The following OR4K1 variants were observed in gnomAD, a reference collection of about 807,000 sequenced individuals.
OR4K1 encodes olfactory receptor family 4 subfamily K member 1.
Under a neutral mutation model 14.4 loss-of-function variants are expected in OR4K1, and 16 were observed. The observed-to-expected ratio is 1.11, with a 90% CI of 0.75 to 1.68. The LOEUF is 1.68. Ranked by LOEUF, OR4K1 falls within the 40% of genes most tolerant of loss-of-function variation. The pLI, the probability that OR4K1 is intolerant of heterozygous loss-of-function variation, is 0.00. For synonymous variants in OR4K1, 181 were observed against 133.1 expected, an observed-to-expected ratio of 1.36 and a Z score of -2.48; for missense variants, 548 against 376.9, an observed-to-expected ratio of 1.45 and a Z score of -3.76.
chr14:19,935,935 A>C lies in OR4K1; in HGVS notation c.269A>C (p.Lys90Thr). The C allele has an allele frequency of 6.2e-7, 1 of 1,614,202 alleles. No homozygotes were observed. Among genetic ancestry groups the C allele is most frequent in the African/African-American group, 1.3e-5 (1 of 75,058 alleles). Residue 90 changes from lysine (K) to threonine (T), a missense_variant, in exon 2 of 2, where the codon AAG becomes ACG. Coordinates refer to ENST00000641172, the MANE Select transcript of OR4K1 (RefSeq NM_001004063.3). ...KMLVDFFIER[K>T]TISFEGCMAQ... ...CTTGTAGACTTTTTTATTGAGCGCA[A>C]GACTATCTCCTTTGAGGGTTGCATG...
chr14:19,936,040 C>G lies in OR4K1; in HGVS notation c.374C>G (p.Ala125Gly). Reference protein sequence around the residue: ...LVAMAYDRFIAICKPLHYSTI... With the variant: ...LVAMAYDRFIGICKPLHYSTI... Reference sequence around the variant, plus strand: ...GCTATGGCATATGACAGATTTATAGCCATATGTAAGCCTCTGCACTACAGT... The same window carrying G: ...GCTATGGCATATGACAGATTTATAGGCATATGTAAGCCTCTGCACTACAGT... The change falls in exon 2 of 2, where the codon GCC (alanine) becomes GGC (glycine). Residue 125 changes from alanine (A) to glycine (G), a missense_variant. Transcript: ENST00000641172. The G allele has an allele frequency of 6.2e-7, 1 of 1,614,206 alleles. No homozygotes were observed. The highest frequency in any genetic ancestry group is 8.5e-7 in the Non-Finnish European group (1 of 1,180,044).
At chr14:19,921,673 A>C in the OR4K1 span, 1 of 1,246,926 alleles carries the variant, frequency 8.0e-7, no homozygotes, top group Admixed American at 2.5e-5. Context: ...GTAGTGAAGA[A>C]GATAATATAG....
the OR4K1 span, among the ~76,000 whole-genome samples, chr14:19,925,086 TC>T: frequency 6.6e-6 from 1 of 152,326 alleles, no homozygotes; most frequent in African/African-American, 2.4e-5. Flanking sequence ...GGTTTACAGA[TC>T]CTATAGACTT....
upstream of OR4K1, among the ~76,000 whole-genome samples, chr14:19,926,332 C>A (rs557073068): frequency 6.6e-6 from 1 of 152,274 alleles, no homozygotes; most frequent in East Asian, 1.9e-4. Flanking sequence ...AACTCTTTTA[C>A]TCTCTGTCAT....
At chr14:19,922,617 C>T in the OR4K1 span, among the ~76,000 whole-genome samples, 3 of 151,386 alleles carry the variant, frequency 2.0e-5, no homozygotes, top group Non-Finnish European at 2.9e-5. Flanking sequence ...AAACTGAAGA[C>T]GATTCAGATT....
chr14:19,921,742 A>C, the OR4K1 span: 1 of 742,954 alleles, frequency 1.3e-6, no homozygotes, highest in African/African-American at 1.8e-5. Context: ...AGTTAAATAT[A>C]AAAACATGGA....
At chr14:19,920,449 C>CTAT in the OR4K1 span, 1 of 787,776 alleles carries the variant, frequency 1.3e-6, no homozygotes, top group African/African-American at 1.8e-5. Context: ...TCCAGACATA[C>CTAT]TATTATGGCC....
chr14:19,922,988 CT>C, the OR4K1 span, among the ~76,000 whole-genome samples: 7 of 152,354 alleles, frequency 4.6e-5, no homozygotes, highest in African/African-American at 1.7e-4. Flanking sequence ...ATCCTTCTCT[CT>C]GTCAAGATCA....
chr14:19,927,854 A>G (rs1017819886), upstream of OR4K1, among the ~76,000 whole-genome samples: 7 of 152,250 alleles, frequency 4.6e-5, no homozygotes, highest in Non-Finnish European at 7.3e-5. Context: ...AGTGTTTGAC[A>G]TATGGATATA....
At chr14:19,920,528 T>A in the OR4K1 span, 1 of 1,483,612 alleles carries the variant, frequency 6.7e-7, no homozygotes, top group Non-Finnish European at 9.1e-7. Flanking sequence ...ACCTTAAAAG[T>A]ATTCTTAATT....
upstream of OR4K1, among the ~76,000 whole-genome samples, chr14:19,928,954 G>C (rs1019246206): frequency 9.4e-4 from 142 of 151,708 alleles, no homozygotes; most frequent in African/African-American, 3.4e-3. Context: ...GTTGATTGTG[G>C]GTTTTTTTGA....
chr14:19,935,621 G>C, intron 1 of OR4K1, 27 bp from the exon 2 acceptor site: 1 of 1,462,482 alleles, frequency 6.8e-7, no homozygotes, highest in Non-Finnish European at 9.3e-7. Flanking sequence ...CAATCATTGT[G>C]ACATTTTTCT....
At chr14:19,924,031 T>C in the OR4K1 span, among the ~76,000 whole-genome samples, 3,820 of 151,912 alleles carry the variant, frequency 0.025, 96 homozygotes, top group African/African-American at 0.089. Flanking sequence ...CAGGAGCCAG[T>C]TGAATAAAAA....
chr14:19,921,678 A>C, the OR4K1 span: 1 of 1,227,206 alleles, frequency 8.1e-7, no homozygotes, highest in Non-Finnish European at 1.1e-6. Context: ...GAAGAAGATA[A>C]TATAGAGAAC....
At chr14:19,930,476 A>G (rs1882161513), upstream of OR4K1, among the ~76,000 whole-genome samples, 1 of 152,234 alleles carries the variant, frequency 6.6e-6, no homozygotes, top group Non-Finnish European at 1.5e-5. Context: ...CTGAAGTGCT[A>G]ATAGATTTAC....
upstream of OR4K1, among the ~76,000 whole-genome samples, chr14:19,929,674 T>A (rs1183731189): frequency 6.6e-6 from 1 of 152,184 alleles, no homozygotes; most frequent in African/African-American, 2.4e-5. Context: ...GCATATTTGA[T>A]AGTACATTTA....
At chr14:19,924,338 T>G in the OR4K1 span, among the ~76,000 whole-genome samples, 5 of 136,398 alleles carry the variant, frequency 3.7e-5, no homozygotes, top group Admixed American at 4.3e-4. Context: ...AGGCGGAGGT[T>G]GTGGTGAGCC....
the OR4K1 span, chr14:19,920,816 C>T: frequency 6.2e-7 from 1 of 1,614,200 alleles, no homozygotes; most frequent in East Asian, 2.2e-5. Flanking sequence ...CCTTTGTTGA[C>T]ATTTGTCAGG....
chr14:19,928,525 A>T (rs2801170), upstream of OR4K1, among the ~76,000 whole-genome samples: 48,136 of 147,608 alleles, frequency 0.33, 4,877 homozygotes, highest in South Asian at 0.42. Context: ...GCTTTTTTTT[A>T]AAATTCCTAT....
Sources: allele counts gnomAD v4.1 joint callset (sites outside exome capture counted in the v4.1 genomes callset), GRCh38; gene constraint gnomAD v4.1.1; transcripts MANE v1.5; gene names NCBI Gene and HGNC (gene_info 2026-07-23, HGNC 2026-07-21).